The following MYO10 variants were observed in gnomAD, a reference collection of about 807,000 sequenced individuals.
The protein encoded by MYO10 is unconventional myosin-X.
MYO10 carries 133 observed loss-of-function variants against 257.3 expected under a neutral mutation model. That is an observed-to-expected ratio of 0.52 (90% CI 0.45 to 0.60). MYO10 has a LOEUF of 0.60. MYO10 is among the 20% of genes least tolerant of loss of function. The pLI, the probability that MYO10 is intolerant of heterozygous loss-of-function variation, is 0.00. For synonymous variants in MYO10, 1,104 were observed against 1,028.6 expected (o/e 1.07, Z -1.40); for missense variants, 2,399 against 2,635.7 (o/e 0.91, Z 1.97).
intron 19 of MYO10, among the ~76,000 whole-genome samples, chr5:16,753,264 T>G (rs1040581631): frequency 2.0e-5 from 3 of 151,994 alleles, no homozygotes; most frequent in Non-Finnish European, 2.9e-5. Context: ...CCTCCCGGGT[T>G]CAGGCAATTC....
At chr5:16,733,926 A>T (rs1044377140) in intron 19 of MYO10, among the ~76,000 whole-genome samples, 3 of 152,072 alleles carry the variant, frequency 2.0e-5, no homozygotes, top group African/African-American at 7.2e-5. Context: ...CGAACTGCTT[A>T]ATTGTTAAGT....
intron 2 of MYO10, among the ~76,000 whole-genome samples, chr5:16,835,071 A>G (rs1743270249): frequency 6.6e-6 from 1 of 151,916 alleles, no homozygotes; most frequent in Non-Finnish European, 1.5e-5. Flanking sequence ...CAGCTACTCG[A>G]GAGGCTGAGG....
At chr5:16,859,835 A>C (rs1049681866) in intron 2 of MYO10, among the ~76,000 whole-genome samples, 1 of 152,220 alleles carries the variant, frequency 6.6e-6, no homozygotes, top group African/African-American at 2.4e-5. Flanking sequence ...CCACCCCCAG[A>C]GCTGTTCACT....
Position 16,857,794 on chromosome 5 carries a change from G to A in MYO10, c.120+19815C>T, listed in dbSNP as rs1040096525. On this transcript the variant is annotated intron_variant, in intron 2 of 40. Coordinates refer to ENST00000513610, the MANE Select transcript of MYO10 (RefSeq NM_012334.3). Reference sequence around the variant, plus strand: ...AACAACAGACTCATCCTGGCTGGTCGCACTGGTTGCAAAGAGTCCTGGGCT... The same window carrying A: ...AACAACAGACTCATCCTGGCTGGTCACACTGGTTGCAAAGAGTCCTGGGCT... Among the ~76,000 whole-genome samples, 5 of 152,292 alleles carry A rather than the reference G, an allele frequency of 3.3e-5. 1 individual carries two copies. The highest frequency in any genetic ancestry group is 4.1e-4 in the South Asian group (2 of 4,822).
intron 1 of MYO10, among the ~76,000 whole-genome samples, chr5:16,908,714 TATG>T (rs922925332): frequency 2.6e-5 from 4 of 152,196 alleles, no homozygotes; most frequent in African/African-American, 4.8e-5. Context: ...TAGATATAGA[TATG>T]ATAAGTATAT....
intron 32 of MYO10, 55 bp from the exon 33 acceptor site, chr5:16,680,159 A>G: frequency 6.4e-7 from 1 of 1,571,752 alleles, no homozygotes; most frequent in Non-Finnish European, 8.7e-7. Context: ...TCGGGGACTG[A>G]GGCAATGCCT....
At position 16,701,271 on chromosome 5, in the gene MYO10, G is replaced by A. The variant is rs1384565930; in HGVS notation, c.3124C>T (p.Pro1042Ser). ...EDPYMNDTVV[P>S]TSPSADSTVL... is the part of the protein sequence containing the mutation. ...GTGCTGTCCGCACTGGGGCTGGTGG[G>A]CACCACCGTGTCGTTCATGTATGGG... The change falls in exon 25 of 41, where the codon CCC becomes TCC. Residue 1042 changes from proline (P) to serine (S), a missense_variant. By Grantham distance (74) the Pro-to-Ser change is moderately conservative. Around this residue, in one of 3 missense-constraint regions of MYO10, gnomAD observed 1,820 missense variants for 1,939.4 expected, o/e 0.94. Coordinates refer to ENST00000513610, the MANE Select transcript of MYO10 (RefSeq NM_012334.3). This position sits in a 1 kb window ranked among gnomAD's most constrained non-coding sequence, Gnocchi z 8.1. The A allele has an allele frequency of 6.2e-7, 1 of 1,613,660 alleles. No individual in the cohort carries two copies. Among genetic ancestry groups the A allele is most frequent in the Non-Finnish European group, 8.5e-7 (1 of 1,179,784 alleles).
intron 2 of MYO10, among the ~76,000 whole-genome samples, chr5:16,823,459 GGAGT>G (rs1262849313): frequency 8.8e-4 from 15 of 17,054 alleles, no homozygotes; most frequent in African/African-American, 2.4e-3. Flanking sequence ...GGGGGGGGGG[GGAGT>G]GGGGATTTTT....
chr5:16,876,883 A>C (rs1744619817), intron 2 of MYO10, among the ~76,000 whole-genome samples: 1 of 152,144 alleles, frequency 6.6e-6, no homozygotes, highest in South Asian at 2.1e-4. Context: ...TCTCCCCCCA[A>C]ATTAATATGT....
At chr5:16,877,825 A>G in intron 1 of MYO10, 118 bp from the exon 2 acceptor site, 4 of 751,884 alleles carry the variant, frequency 5.3e-6, no homozygotes, top group Non-Finnish European at 8.8e-6. Flanking sequence ...TGAAAAGTAA[A>G]TGTCTTTCTC....
chr5:16,904,607 C>T (rs1745470542), intron 1 of MYO10, among the ~76,000 whole-genome samples: 1 of 152,212 alleles, frequency 6.6e-6, no homozygotes, highest in South Asian at 2.1e-4. Flanking sequence ...GTCTGGGGAA[C>T]CCCTCACCCC....
At chr5:16,914,701 G>A (rs1395049381) in intron 1 of MYO10, among the ~76,000 whole-genome samples, 1 of 152,150 alleles carries the variant, frequency 6.6e-6, no homozygotes, top group Non-Finnish European at 1.5e-5. Context: ...GTATGGGATC[G>A]TATCGCACTA....
At chr5:16,841,779 T>C (rs1279188736) in intron 2 of MYO10, among the ~76,000 whole-genome samples, 1 of 152,204 alleles carries the variant, frequency 6.6e-6, no homozygotes, top group Non-Finnish European at 1.5e-5. Context: ...TTTTCATTAA[T>C]ATGGCTTTTT....
At chr5:16,878,998 GAAAA>G (rs921546797) in intron 1 of MYO10, among the ~76,000 whole-genome samples, 19 of 144,602 alleles carry the variant, frequency 1.3e-4, no homozygotes, top group African/African-American at 4.4e-4. Flanking sequence ...AAAAAAAAAA[GAAAA>G]AAAAAGAATT....
chr5:16,886,381 C>T (rs1051711666), intron 1 of MYO10, among the ~76,000 whole-genome samples: 35 of 152,204 alleles, frequency 2.3e-4, no homozygotes, highest in African/African-American at 7.9e-4. Flanking sequence ...TATAGGCAAC[C>T]GCAAGAACAA....
At chr5:16,918,500 CTTTTTTTTTT>C (rs5866221) in intron 1 of MYO10, among the ~76,000 whole-genome samples, 1 of 117,696 alleles carries the variant, frequency 8.5e-6, no homozygotes, top group East Asian at 2.4e-4. Flanking sequence ...TTTTTCTTTT[CTTTTTTTTTT>C]TTTTTTTTTG....
In MYO10 at chr5:16,694,486, G is replaced by A. The variant is rs1356654390; in HGVS notation, c.3685C>T (p.Leu1229=). 6.2e-7 allele frequency: 1 copy of A among 1,614,046 alleles called. No homozygotes were observed. The highest frequency in any genetic ancestry group is 2.2e-5 in the East Asian group (1 of 44,886). The stretch of plus-strand genomic sequence containing the variant: ...CGCTTCTTCCAATTTCTCCTGGACA[G>A]CGTGGAGGAGCCCCCCCCTTTTTTG... The part of the protein sequence containing the change: ...LHKKGGGSST[L]SRRNWKKRWF... The change falls in exon 27 of 41, where the codon CTG becomes TTG. Residue 1229 remains leucine, a synonymous_variant. Coordinates refer to ENST00000513610, the MANE Select transcript of MYO10 (RefSeq NM_012334.3).
intron 19 of MYO10, among the ~76,000 whole-genome samples, chr5:16,748,621 AGAGGGAGGGAGG>A (rs34338717): frequency 7.4e-6 from 1 of 135,398 alleles, no homozygotes; most frequent in Admixed American, 7.4e-5. Flanking sequence ...AGAGAGGGAG[AGAGGGAGGGAGG>A]GAGGGAGGGA....
At position 16,920,383 on chromosome 5, in the gene MYO10, G is replaced by A. The variant is rs1258465970; in HGVS notation, c.21+15405C>T. ...GGCACGTGTACCAACATGGATGGGC[G>A]GCAAAGGCACTGAGTGAAGAAAGTC... On this transcript the variant is annotated intron_variant, in intron 1 of 40. Coordinates refer to ENST00000513610, the MANE Select transcript of MYO10 (RefSeq NM_012334.3). 1.1e-4 allele frequency among the ~76,000 whole-genome samples: 16 copies of A among 152,332 alleles called. 1 individual carries two copies. The highest frequency in any genetic ancestry group is 2.2e-4 in the African/African-American group (9 of 41,570).
Sources: gnomAD v4.1 joint callset for allele counts (sites outside exome capture counted in the v4.1 genomes callset) on GRCh38, gnomAD v4.1.1 for gene constraint, gnomAD v4.1.1 regional missense constraint, Gnocchi (gnomAD v3.1) non-coding constraint, MANE v1.5 for transcripts, NCBI Gene and HGNC (gene_info 2026-07-23, HGNC 2026-07-21) for gene names.